CDCA2: variants seen among roughly 807,000 people sequenced by gnomAD.
The protein encoded by CDCA2 is cell division cycle-associated protein 2.
In CDCA2, 44 loss-of-function variants were observed where a neutral mutation model predicts 67.0. The ratio of observed to expected loss-of-function variants is 0.66; its 90% CI spans 0.52 to 0.84. The LOEUF (loss-of-function observed/expected upper bound fraction) is 0.84, where lower values mean the gene tolerates loss of function less well. Among genes scored for constraint, CDCA2 ranks in the 40% least tolerant of loss-of-function variants. The pLI, the probability that CDCA2 is intolerant of heterozygous loss-of-function variation, is 0.00. For synonymous variants in CDCA2, 447 were observed against 418.7 expected (o/e 1.07, Z -0.82); for missense variants, 1,253 against 1,203.2 (o/e 1.04, Z -0.61).
chr8:25,462,255 T>C, intron 4 of CDCA2, 47 bp downstream of exon 4: 5 of 1,589,804 alleles, frequency 3.1e-6, no homozygotes, highest in South Asian at 1.1e-5. Flanking sequence ...TAATGAAGCT[T>C]TTGTGCTTTC....
intron 13 of CDCA2, among the ~76,000 whole-genome samples, chr8:25,492,396 A>G (rs1193248192): frequency 6.6e-6 from 1 of 152,232 alleles, no homozygotes; most frequent in East Asian, 1.9e-4. Flanking sequence ...CAGCCAGCCT[A>G]GAAGAGCAAC....
At chr8:25,468,532 GGTGTGTGT>G (rs3841182) in intron 6 of CDCA2, 119 bp downstream of exon 6, 16 of 424,186 alleles carry the variant, frequency 3.8e-5, no homozygotes, top group African/African-American at 2.1e-4. Context: ...TGGTTCCTGG[GGTGTGTGT>G]GTGTGTGTGT....
intron 7 of CDCA2, among the ~76,000 whole-genome samples, chr8:25,479,371 C>T (rs2117508064): frequency 6.6e-6 from 1 of 152,302 alleles, no homozygotes; most frequent in Non-Finnish European, 1.5e-5. Flanking sequence ...TTCAATGGAT[C>T]ACTTAATCAT....
Position 25,468,323 on chromosome 8 carries a change from G to T in CDCA2, c.645G>T (p.Thr215=). Residue 215 remains threonine, a synonymous_variant, in exon 6 of 15, where the codon ACG becomes ACT. Transcript: ENST00000330560. ...AGAGAGACTCTGATGAAAATCTGAC[G>T]GATGCTGAAGGAAAAGTAATTGGTC... is the stretch of plus-strand genomic sequence containing the variant. The part of the protein sequence containing the change: ...SYQRDSDENL[T]DAEGKVIGLQ... The T allele has an allele frequency of 1.9e-6, 3 of 1,613,718 alleles. No individual in the cohort carries two copies. Among genetic ancestry groups the T allele is most frequent in the Non-Finnish European group, 2.5e-6 (3 of 1,179,814 alleles).
Position 25,460,405 on chromosome 8 carries a change from G to T in CDCA2, c.83G>T (p.Gly28Val). ...TCAGGAAATGCCTCTTTCATTTTGG[G>T]AACTGGGAAGATTGTGACTCCTCAG... ...NNAGNASFIL[G>V]TGKIVTPQKH... Residue 28 changes from glycine (G) to valine (V), a missense_variant, in exon 3 of 15, where the codon GGA (glycine) becomes GTA (valine). By Grantham distance (109) the Gly-to-Val change is moderately radical (BLOSUM62 -3). Transcript: ENST00000330560. 2 of 1,614,100 alleles carry T rather than the reference G, an allele frequency of 1.2e-6. No homozygotes were observed. Among genetic ancestry groups the T allele is most frequent in the Non-Finnish European group, 1.7e-6 (2 of 1,180,022 alleles).
At position 25,499,753 on chromosome 8, in the gene CDCA2, G is replaced by C. The variant is rs140426554; in HGVS notation, c.1672-3620G>C. ...AGGAATCAGTGATTTTGGAGTAAACGAAATTGCTTTAGGGACAATCCCTTC... is the reference window on the plus strand; with the variant it reads ...AGGAATCAGTGATTTTGGAGTAAACCAAATTGCTTTAGGGACAATCCCTTC... On this transcript the variant is annotated intron_variant, in intron 13 of 14. Transcript: ENST00000330560. Among the ~76,000 whole-genome samples the C allele has an allele frequency of 5.9e-5, 9 of 152,144 alleles. No individual in the cohort carries two copies. In the East Asian group the frequency reaches 1.3e-3, roughly 23 times the overall value.
intron 4 of CDCA2, 47 bp from the exon 5 acceptor site, chr8:25,466,128 A>C: frequency 6.5e-7 from 1 of 1,538,344 alleles, no homozygotes; most frequent in South Asian, 1.3e-5. Flanking sequence ...GAATATAGAA[A>C]GTATGAATTG....
chr8:25,485,689 T>G (rs1803746718), intron 10 of CDCA2, 70 bp from the exon 11 acceptor site: 1 of 795,208 alleles, frequency 1.3e-6, no homozygotes, highest in African/African-American at 1.7e-5. Flanking sequence ...AAATTCTTAC[T>G]CTTCTTTTGG....
chr8:25,506,584 C>A lies in CDCA2; in HGVS notation c.1918C>A (p.Arg640Ser). ...KNPVKRKDLLRHDPDLHMHQG... is the reference protein window; with the variant it reads ...KNPVKRKDLLSHDPDLHMHQG... ...TCCAGTGAAAAGAAAGGATCTTTTG[C>A]GTCATGACCCAGATTTGCATATGCA... is the stretch of plus-strand genomic sequence containing the variant. The change falls in exon 15 of 15, where the codon CGT becomes AGT. Residue 640 changes from arginine to serine, a missense_variant. Coordinates refer to ENST00000330560, the MANE Select transcript of CDCA2 (RefSeq NM_152562.4). 2 of 1,603,614 alleles carry A rather than the reference C, an allele frequency of 1.2e-6. No homozygotes were observed. The highest frequency in any genetic ancestry group is 1.7e-6 in the Non-Finnish European group (2 of 1,177,400).
chr8:25,493,334 A>C (rs1355639913), intron 13 of CDCA2, among the ~76,000 whole-genome samples: 1 of 152,206 alleles, frequency 6.6e-6, no homozygotes, highest in Non-Finnish European at 1.5e-5. Context: ...AGAATCCTCA[A>C]GAGTAAATTC....
rs932812198 is a variant in CDCA2, at chr8:25,468,486, T to C, written c.735+73T>C. 25 of 1,248,854 alleles carry C rather than the reference T, an allele frequency of 2.0e-5. No individual in the cohort carries two copies. The African/African-American group carries it at 3.5e-4, about 18-fold the overall frequency. The allele number at this position is 1,248,854 out of a possible 1,614,324, so 77.4% of individuals were successfully genotyped here. A position where few individuals can be genotyped will look rare whatever the true frequency, so the allele number is the denominator to read the frequency against. ...GCATAGGCAGTTTTAAGGCTGTCAG[T>C]GCCGTTCTTCAATTTTAGTACCTTG... is the stretch of plus-strand genomic sequence containing the variant. On this transcript the variant is annotated intron_variant, in intron 6 of 14. Transcript: ENST00000330560.
chr8:25,481,564 C>T (rs1803572724), intron 8 of CDCA2, among the ~76,000 whole-genome samples: 1 of 152,012 alleles, frequency 6.6e-6, no homozygotes, highest in South Asian at 2.1e-4. Flanking sequence ...GTGGCGGGCA[C>T]CTGTAGTCCC....
chr8:25,476,941 T>G (rs950583954), intron 7 of CDCA2, among the ~76,000 whole-genome samples: 1 of 152,180 alleles, frequency 6.6e-6, no homozygotes, highest in African/African-American at 2.4e-5. Context: ...TTTTCTGAAT[T>G]GTTAACTTTT....
chr8:25,476,653 G>A, intron 7 of CDCA2, among the ~76,000 whole-genome samples: 1 of 151,676 alleles, frequency 6.6e-6, no homozygotes, highest in South Asian at 2.1e-4. Context: ...CCTGGGTTCA[G>A]GTGATTCTCC....
At chr8:25,474,212 A>G (rs1233389925) in intron 7 of CDCA2, among the ~76,000 whole-genome samples, 2 of 152,080 alleles carry the variant, frequency 1.3e-5, no homozygotes, top group Non-Finnish European at 2.9e-5. Context: ...TTTGTGGAGG[A>G]TTTTTGCATC....
intron 13 of CDCA2, among the ~76,000 whole-genome samples, chr8:25,493,932 C>T (rs1487710090): frequency 1.3e-5 from 2 of 152,148 alleles, no homozygotes; most frequent in East Asian, 1.9e-4. Context: ...GATCAAAATA[C>T]AAAAATATAT....
chr8:25,469,396 C>A (rs1035146291), intron 6 of CDCA2, among the ~76,000 whole-genome samples: 1 of 152,152 alleles, frequency 6.6e-6, no homozygotes, highest in Admixed American at 6.5e-5. Context: ...GTTATCAGAA[C>A]TTTGATTAAT....
intron 4 of CDCA2, among the ~76,000 whole-genome samples, chr8:25,463,113 C>T (rs920919439): frequency 1.3e-5 from 2 of 151,964 alleles, no homozygotes; most frequent in African/African-American, 4.8e-5. Context: ...AAGAGCTTAT[C>T]TCTAAGTTAC....
At chr8:25,485,662 GT>G in intron 10 of CDCA2, 96 bp from the exon 11 acceptor site, 2 of 617,354 alleles carry the variant, frequency 3.2e-6, no homozygotes, top group Non-Finnish European at 5.6e-6. Context: ...GCTTATTATA[GT>G]TTCTCCTACC....
Sources: gnomAD v4.1 joint callset for allele counts (sites outside exome capture counted in the v4.1 genomes callset) on GRCh38, gnomAD v4.1.1 for gene constraint, MANE v1.5 for transcripts, NCBI Gene and HGNC (gene_info 2026-07-23, HGNC 2026-07-21) for gene names.